Variants in RASGRP3 observed in about 807,000 individuals in gnomAD.
RASGRP3 encodes RAS guanyl releasing protein 3.
Under a neutral mutation model 82.7 loss-of-function variants are expected in RASGRP3, and 54 were observed. The ratio of observed to expected loss-of-function variants is 0.65; its 90% CI spans 0.52 to 0.82. The LOEUF (loss-of-function observed/expected upper bound fraction) is 0.82. Ranked by LOEUF, RASGRP3 falls within the 40% of genes least tolerant of loss-of-function variation. The pLI is 0.00. For synonymous variants in RASGRP3, 309 were observed against 300.5 expected, an observed-to-expected ratio of 1.03 and a Z score of -0.29; for missense variants, 861 against 828.9, an observed-to-expected ratio of 1.04 and a Z score of -0.48.
At chr2:33,510,450 A>T (rs1185956787) in intron 1 of RASGRP3, among the ~76,000 whole-genome samples, 1 of 152,206 alleles carries the variant, frequency 6.6e-6, no homozygotes, top group Non-Finnish European at 1.5e-5. Flanking sequence ...TTGGCTTGAG[A>T]ACCTTTGAGA....
chr2:33,453,829 C>G (rs759695138), intron 2 of RASGRP3, among the ~76,000 whole-genome samples: 1 of 152,150 alleles, frequency 6.6e-6, no homozygotes, highest in Non-Finnish European at 1.5e-5. Context: ...CTTTTCTATA[C>G]TTTAAAAGTT....
intron 10 of RASGRP3, chr2:33,533,976 A>G (rs1258536449): frequency 1.4e-5 from 3 of 214,742 alleles, no homozygotes; most frequent in Non-Finnish European, 2.8e-5. Flanking sequence ...CAAAGGCAGC[A>G]TTTATTACAT....
At chr2:33,528,725 T>C (rs1045585663) in intron 10 of RASGRP3, among the ~76,000 whole-genome samples, 3 of 152,192 alleles carry the variant, frequency 2.0e-5, no homozygotes, top group Admixed American at 2.0e-4. Flanking sequence ...CCCCTAAGTG[T>C]AGGCAATAAT....
rs1036151573 is a variant in RASGRP3 at position 33,447,543 on chromosome 2, C to A, written c.-384-277C>A. Among the ~76,000 whole-genome samples, 3 of 151,820 alleles carry A rather than the reference C, an allele frequency of 2.0e-5. No homozygotes were observed. In the South Asian group the frequency reaches 6.2e-4, roughly 31 times the overall value. ...CTTCGCCTCCTGAATTCAAGTCATT[C>A]TCCTGCCTCAGCCTCCTGAGTACCT... On this transcript the variant is annotated intron_variant, in intron 1 of 18. Coordinates refer to the RASGRP3 transcript ENST00000402538.
chr2:33,494,523 T>C (rs1226305665), intron 1 of RASGRP3, among the ~76,000 whole-genome samples: 1 of 152,144 alleles, frequency 6.6e-6, no homozygotes, highest in African/African-American at 2.4e-5. Context: ...TTTCCTTGAG[T>C]CTGACATGGA....
intron 7 of RASGRP3, among the ~76,000 whole-genome samples, chr2:33,523,461 TAAAA>T (rs74978733): frequency 2.3e-4 from 34 of 144,778 alleles, no homozygotes; most frequent in Admixed American, 2.7e-4. Context: ...GACAGTCGGT[TAAAA>T]AAAAAAAAAA....
chr2:33,465,969 CAAAA>C (rs60914898), intron 2 of RASGRP3, among the ~76,000 whole-genome samples: 4 of 130,380 alleles, frequency 3.1e-5, no homozygotes, highest in Non-Finnish European at 3.3e-5. Flanking sequence ...ACTTACTGCT[CAAAA>C]AAAAAAAAAA....
chr2:33,485,584 G>C (rs1414434868), intron 1 of RASGRP3, among the ~76,000 whole-genome samples: 1 of 152,152 alleles, frequency 6.6e-6, no homozygotes, highest in Non-Finnish European at 1.5e-5. Context: ...GTGACAGTTT[G>C]CTTTAAAATA....
chr2:33,506,692 A>G (rs2150990829), intron 1 of RASGRP3, among the ~76,000 whole-genome samples: 1 of 152,332 alleles, frequency 6.6e-6, no homozygotes, highest in Middle Eastern at 3.4e-3. Context: ...AACACATCCA[A>G]TGCAAGAAGG....
intron 1 of RASGRP3, among the ~76,000 whole-genome samples, chr2:33,494,280 A>G (rs1450699321): frequency 1.3e-5 from 2 of 152,230 alleles, no homozygotes; most frequent in East Asian, 3.8e-4. Flanking sequence ...GAAGACGTGA[A>G]TGACCAAGAT....
chr2:33,554,437 C>G (rs1179628852), intron 14 of RASGRP3, among the ~76,000 whole-genome samples: 2 of 152,116 alleles, frequency 1.3e-5, no homozygotes. Context: ...TCACCCCATG[C>G]AAGAGGTGTG....
chr2:33,534,241 T>G (rs1406997140), intron 10 of RASGRP3, 82 bp from the exon 11 acceptor site: 2 of 951,350 alleles, frequency 2.1e-6, no homozygotes, highest in Non-Finnish European at 3.3e-6. Flanking sequence ...ACTTAAAACA[T>G]TCAACTTGAA....
Position 33,515,145 on chromosome 2 carries a change from A to G in RASGRP3, c.9A>G (p.Ser3=), listed in dbSNP as rs745352044. ...ACAACGGCTAAATAACCATGGGATC[A>G]AGTGGCCTTGGGAAAGCAGCAACAT... is the stretch of plus-strand genomic sequence containing the variant. The part of the protein sequence containing the change: MG[S]SGLGKAATLD... Residue 3 remains serine (S), a synonymous_variant, in exon 3 of 18, where the codon TCA becomes TCG. Coordinates refer to ENST00000403687, the MANE Select transcript of RASGRP3 (RefSeq NM_001139488.2). 5 of 1,613,836 alleles carry G rather than the reference A, an allele frequency of 3.1e-6. No individual in the cohort carries two copies. The highest frequency in any genetic ancestry group is 1.3e-5 in the African/African-American group (1 of 74,928).
intron 1 of RASGRP3, among the ~76,000 whole-genome samples, chr2:33,501,859 A>G (rs573359359): frequency 6.6e-6 from 1 of 152,330 alleles, no homozygotes; most frequent in African/African-American, 2.4e-5. Context: ...AAAACCAACC[A>G]AAAGGAGAAT....
chr2:33,474,963 C>T (rs1396145774), upstream of RASGRP3, among the ~76,000 whole-genome samples: 2 of 152,120 alleles, frequency 1.3e-5, no homozygotes, highest in African/African-American at 4.8e-5. Context: ...ATAATTAACC[C>T]AGTCAATGGT....
chr2:33,484,555 A>G (rs1668202574), intron 1 of RASGRP3, among the ~76,000 whole-genome samples: 1 of 151,948 alleles, frequency 6.6e-6, no homozygotes, highest in African/African-American at 2.4e-5. Flanking sequence ...TTTTATGGTA[A>G]GGACAGCACC....
rs1316061299 is a variant in RASGRP3 at position 33,559,482 on chromosome 2, A to G, written c.2064+452A>G. 5 of 380,434 alleles carry G rather than the reference A, an allele frequency of 1.3e-5. No homozygotes were observed. The East Asian group carries it at 2.0e-4, about 15-fold the overall frequency. 23.6% of individuals were successfully genotyped at this position (380,434 alleles called of 1,614,324 possible). ...CTCAAAAGAAGCTTTTGACAGCATCATGGAAAAGGGGGTGGTGAGAATCAG... is the reference window on the plus strand; with the variant it reads ...CTCAAAAGAAGCTTTTGACAGCATCGTGGAAAAGGGGGTGGTGAGAATCAG... On this transcript the variant is annotated intron_variant, in intron 17 of 17. Transcript: ENST00000403687.
At chr2:33,507,416 G>C (rs967158323) in intron 1 of RASGRP3, among the ~76,000 whole-genome samples, 2 of 152,164 alleles carry the variant, frequency 1.3e-5, no homozygotes, top group Non-Finnish European at 2.9e-5. Context: ...GAGAGTGTGA[G>C]TGGTGGGGCA....
rs1428626694 is a variant in RASGRP3 at position 33,558,925 on chromosome 2, G to A, written c.1959G>A (p.Trp653Ter). 1 of 1,614,006 alleles carries A rather than the reference G, an allele frequency of 6.2e-7. No individual in the cohort carries two copies. ...KAAKDKGFAKWENEKPRVHAG... is the reference protein window; with the variant it reads ...KAAKDKGFAK ...CAAAGGACAAAGGCTTTGCCAAATG[G>A]GAAAATGAGAAGCCCAGGGTGCATG... is the stretch of plus-strand genomic sequence containing the variant. Residue 653 changes from tryptophan (W) to a stop codon, truncating the protein, a stop_gained, in exon 17 of 18, where the codon TGG becomes TGA. Coordinates refer to ENST00000403687, the MANE Select transcript of RASGRP3 (RefSeq NM_001139488.2). LOFTEE classifies it high-confidence loss of function.
Sources: gnomAD v4.1 joint callset for allele counts (sites outside exome capture counted in the v4.1 genomes callset) on GRCh38, gnomAD v4.1.1 for gene constraint, MANE v1.5 for transcripts, NCBI Gene and HGNC (gene_info 2026-07-23, HGNC 2026-07-21) for gene names.